Variants in SNTG1 observed in about 807,000 individuals in gnomAD.
SNTG1 encodes gamma-1-syntrophin.
In SNTG1, 39 loss-of-function variants were observed where a neutral mutation model predicts 74.7. The observed-to-expected ratio is 0.52, with a 90% confidence interval of 0.40 to 0.68. The LOEUF (loss-of-function observed/expected upper bound fraction) is 0.68. SNTG1 is among the 30% of genes least tolerant of loss of function. The pLI is 0.00. For synonymous variants in SNTG1, 254 were observed against 217.1 expected, an observed-to-expected ratio of 1.17 and a Z score of -1.49; for missense variants, 685 against 609.5, an observed-to-expected ratio of 1.12 and a Z score of -1.30.
intron 13 of SNTG1, among the ~76,000 whole-genome samples, chr8:50,649,095 A>G (rs1031513850): frequency 2.6e-5 from 4 of 152,198 alleles, no homozygotes; most frequent in Admixed American, 2.0e-4. Flanking sequence ...ACAGCATGTT[A>G]CTGTATTCAT....
intron 4 of SNTG1, among the ~76,000 whole-genome samples, chr8:50,410,294 T>C (rs1388212039): frequency 1.3e-5 from 2 of 152,078 alleles, no homozygotes; most frequent in African/African-American, 4.8e-5. Flanking sequence ...TTTTTCTTTT[T>C]CCCACATCAC....
At chr8:50,779,183 C>A (rs142638016) in intron 18 of SNTG1, among the ~76,000 whole-genome samples, 3 of 152,098 alleles carry the variant, frequency 2.0e-5, no homozygotes, top group Non-Finnish European at 4.4e-5. Context: ...CTTCGCAATG[C>A]GAGCTCTTTT....
intron 18 of SNTG1, among the ~76,000 whole-genome samples, chr8:50,777,170 G>C (rs994956959): frequency 6.7e-6 from 1 of 149,092 alleles, no homozygotes; most frequent in Non-Finnish European, 1.5e-5. Context: ...ATATTTTTCA[G>C]TTCCCTAATT....
intron 8 of SNTG1, among the ~76,000 whole-genome samples, chr8:50,481,286 C>A (rs1037635625): frequency 6.6e-6 from 1 of 152,028 alleles, no homozygotes; most frequent in East Asian, 1.9e-4. Context: ...GAGGCTGAGG[C>A]GGGAGAATTG....
chr8:50,144,358 C>T (rs1018032094), intron 1 of SNTG1, among the ~76,000 whole-genome samples: 2 of 152,026 alleles, frequency 1.3e-5, no homozygotes, highest in Non-Finnish European at 2.9e-5. Context: ...GACAGAATAA[C>T]CTAAGGGTGA....
chr8:50,390,117 G>A (rs1397913877), intron 2 of SNTG1, among the ~76,000 whole-genome samples: 6 of 151,444 alleles, frequency 4.0e-5, no homozygotes, highest in Non-Finnish European at 8.8e-5. Context: ...TTTGGCTTTT[G>A]TTGCCATTGC....
At chr8:50,374,048 T>C (rs943345632) in intron 2 of SNTG1, among the ~76,000 whole-genome samples, 5 of 152,230 alleles carry the variant, frequency 3.3e-5, no homozygotes, top group Non-Finnish European at 5.9e-5. Context: ...GTTGAAGCTA[T>C]GTATTAGTGT....
chr8:49,980,478 C>T (rs911334920), intron 1 of SNTG1, among the ~76,000 whole-genome samples: 1 of 123,516 alleles, frequency 8.1e-6, no homozygotes, highest in African/African-American at 3.0e-5. Flanking sequence ...CCAGGGCTTC[C>T]TGCTTTACTT....
At chr8:50,570,470 GC>G (rs2094542058) in intron 12 of SNTG1, among the ~76,000 whole-genome samples, 1 of 148,972 alleles carries the variant, frequency 6.7e-6, no homozygotes, top group Non-Finnish European at 1.5e-5. Context: ...TATTGGTTAG[GC>G]TGGTCTTGAA....
At chr8:50,117,577 C>T (rs1327453470) in intron 1 of SNTG1, among the ~76,000 whole-genome samples, 1 of 152,174 alleles carries the variant, frequency 6.6e-6, no homozygotes, top group Non-Finnish European at 1.5e-5. Flanking sequence ...CACCAGTCCT[C>T]ATGCCTCTCA....
intron 2 of SNTG1, among the ~76,000 whole-genome samples, chr8:50,247,858 CT>C (rs1245211496): frequency 1.3e-5 from 2 of 151,892 alleles, no homozygotes; most frequent in South Asian, 4.2e-4. Flanking sequence ...TTTCCATGAG[CT>C]TTTTGAAGAC....
intron 1 of SNTG1, among the ~76,000 whole-genome samples, chr8:49,973,161 A>G (rs1206547552): frequency 1.3e-5 from 2 of 152,202 alleles, no homozygotes; most frequent in Non-Finnish European, 2.9e-5. Flanking sequence ...TGGCACATAT[A>G]CACCATGGAA....
chr8:50,438,910 G>A (rs963556015), intron 5 of SNTG1, among the ~76,000 whole-genome samples: 10 of 152,226 alleles, frequency 6.6e-5, no homozygotes, highest in South Asian at 2.1e-4. Flanking sequence ...ACCAACTGGA[G>A]TAGGAAATGA....
At chr8:50,064,017 A>C (rs904699283) in intron 1 of SNTG1, among the ~76,000 whole-genome samples, 5 of 152,208 alleles carry the variant, frequency 3.3e-5, no homozygotes, top group Non-Finnish European at 5.9e-5. Flanking sequence ...TGGGAAATTT[A>C]GTAACCTTGT....
At chr8:50,167,059 G>A (rs1169241172) in intron 1 of SNTG1, among the ~76,000 whole-genome samples, 2 of 140,072 alleles carry the variant, frequency 1.4e-5, no homozygotes, top group Non-Finnish European at 3.0e-5. Context: ...ACTCATAGGT[G>A]GGAATTGAAC....
At chr8:50,436,631 A>G (rs1304156743) in intron 4 of SNTG1, among the ~76,000 whole-genome samples, 1 of 152,162 alleles carries the variant, frequency 6.6e-6, no homozygotes, top group South Asian at 2.1e-4. Flanking sequence ...ATGAAGCTGT[A>G]GCTATTAGCA....
intron 17 of SNTG1, among the ~76,000 whole-genome samples, chr8:50,724,893 AC>A (rs1390066371): frequency 6.6e-6 from 1 of 152,182 alleles, no homozygotes; most frequent in Non-Finnish European, 1.5e-5. Context: ...AATTTCTAAA[AC>A]TTTTATTCTA....
chr8:50,154,692 C>G (rs541853918), intron 1 of SNTG1, among the ~76,000 whole-genome samples: 2 of 152,204 alleles, frequency 1.3e-5, no homozygotes, highest in Admixed American at 1.3e-4. Context: ...TTGAACTAAC[C>G]AAAATTGCAA....
At chr8:50,087,375 G>T (rs551413490) in intron 1 of SNTG1, among the ~76,000 whole-genome samples, 34 of 152,268 alleles carry the variant, frequency 2.2e-4, no homozygotes, top group African/African-American at 8.2e-4. Context: ...CAGTTCCAGA[G>T]CAGCTGAAAC....
Sources: allele counts gnomAD v4.1 joint callset (sites outside exome capture counted in the v4.1 genomes callset), GRCh38; gene constraint gnomAD v4.1.1; transcripts MANE v1.5; gene names NCBI Gene and HGNC (gene_info 2026-07-23, HGNC 2026-07-21).